PTDSS1: variants seen among roughly 807,000 people sequenced by gnomAD.
PTDSS1 encodes the protein PSS-1.
In PTDSS1, 45 loss-of-function variants were observed where a neutral mutation model predicts 70.5. The ratio of observed to expected loss-of-function variants is 0.64; its 90% CI spans 0.50 to 0.82. PTDSS1 has a LOEUF of 0.82. PTDSS1 is among the 40% of genes least tolerant of loss of function. The probability of loss-of-function intolerance (pLI) is 0.00; values close to 1 mark genes in which losing one functional copy is unlikely to be tolerated. For synonymous variants in PTDSS1, 188 were observed against 203.8 expected (o/e 0.92, Z 0.66); for missense variants, 417 against 586.1 (o/e 0.71, Z 2.98).
chr8:96,262,066 C>A lies in PTDSS1; in HGVS notation c.26C>A (p.Thr9Asn). 1.2e-6 allele frequency: 2 copies of A among 1,613,540 alleles called. No individual in the cohort carries two copies. Among genetic ancestry groups the A allele is most frequent in the Non-Finnish European group, 1.7e-6 (2 of 1,179,652 alleles). The part of the protein sequence containing the change: MASCVGSR[T>N]LSKDDVNYKM... ...ATGGCGTCCTGCGTGGGGAGCCGGACCCTAAGCAAGGATGATGTGAACTAC... is the reference window on the plus strand; with the variant it reads ...ATGGCGTCCTGCGTGGGGAGCCGGAACCTAAGCAAGGATGATGTGAACTAC... Residue 9 changes from threonine (T) to asparagine (N), a missense_variant, in exon 1 of 13, where the codon ACC (threonine) becomes AAC (asparagine). This residue lies in a region of PTDSS1 where 38 missense variants were observed against 34.3 expected (regional missense o/e 1.11). Transcript: ENST00000517309. The surrounding 1 kb of genome is among the most constrained non-coding windows in gnomAD (Gnocchi z 4.4).
chr8:96,274,586 G>A (rs1046238911), intron 2 of PTDSS1, among the ~76,000 whole-genome samples: 2 of 152,288 alleles, frequency 1.3e-5, no homozygotes, highest in Admixed American at 6.5e-5. Flanking sequence ...TTAGCCAGGC[G>A]TGGTGGTGCG....
intron 1 of PTDSS1, among the ~76,000 whole-genome samples, chr8:96,269,515 C>T (rs879524701): frequency 6.6e-6 from 1 of 152,144 alleles, no homozygotes; most frequent in Non-Finnish European, 1.5e-5. Context: ...GAACAAGCAA[C>T]ATGTCTTAGT....
chr8:96,278,147 C>T (rs1280690327), intron 2 of PTDSS1, among the ~76,000 whole-genome samples: 1 of 152,222 alleles, frequency 6.6e-6, no homozygotes, highest in Non-Finnish European at 1.5e-5. Context: ...TCTCTTGTGT[C>T]TTTACTTGAG....
rs1811460267 is a variant in PTDSS1 at position 96,327,878 on chromosome 8, T to G, written c.1174-2335T>G. ...TAAACGAAGTGTGCAATTGCTATTT[T>G]AAATCTGAGCCTTGACATTTTCAGT... On this transcript the variant is annotated intron_variant, in intron 10 of 12. Transcript: ENST00000517309. 2.0e-5 allele frequency among the ~76,000 whole-genome samples: 3 copies of G among 152,240 alleles called. No individual in the cohort carries two copies. The South Asian group carries it at 6.2e-4, about 32-fold the overall frequency.
chr8:96,277,524 G>A (rs760583568), intron 2 of PTDSS1, among the ~76,000 whole-genome samples: 14 of 152,244 alleles, frequency 9.2e-5, no homozygotes, highest in Non-Finnish European at 1.9e-4. Context: ...CTCAAGTCAA[G>A]TAGTGAAAAT....
chr8:96,284,097 A>G lies in PTDSS1; in HGVS notation c.272-12A>G, dbSNP rs761081310. ...CAGTTCCTTCTAACTTTATAATGTT[A>G]TTTATCTGCAGGTCCGTTCACTCGA... On this transcript the variant is annotated splice_polypyrimidine_tract_variant and intron_variant, in intron 2 of 12. Transcript: ENST00000517309. 2 of 1,602,820 alleles carry G rather than the reference A, an allele frequency of 1.2e-6. No individual in the cohort carries two copies. The highest frequency in any genetic ancestry group is 2.2e-5 in the South Asian group (2 of 90,064).
At position 96,305,797 on chromosome 8, in the gene PTDSS1, C is replaced by T. The variant is rs143900432; in HGVS notation, c.895-647C>T. Reference sequence around the variant, plus strand: ...CTGCCTTCCAGGTTCAAGCAATTCTCCTGTCTCAGCCTCCTGAGTAGCTGG... The same window carrying T: ...CTGCCTTCCAGGTTCAAGCAATTCTTCTGTCTCAGCCTCCTGAGTAGCTGG... On this transcript the variant is annotated intron_variant, in intron 7 of 12. Transcript: ENST00000517309. Among the ~76,000 whole-genome samples the T allele has an allele frequency of 9.0e-3, 1,372 of 152,258 alleles. 13 individuals carry two copies. The highest frequency in any genetic ancestry group is 0.017 in the South Asian group (84 of 4,826).
rs760946183 is a variant in PTDSS1 at position 96,264,445 on chromosome 8, T to C, written c.179+2226T>C. ...AACGAGGATGTAGTATGCTCTGTAATTGAGAAGGATAAAAGCACTGGAAAA... is the reference window on the plus strand; with the variant it reads ...AACGAGGATGTAGTATGCTCTGTAACTGAGAAGGATAAAAGCACTGGAAAA... On this transcript the variant is annotated intron_variant, in intron 1 of 12. Coordinates refer to ENST00000517309, the MANE Select transcript of PTDSS1 (RefSeq NM_014754.3). Among the ~76,000 whole-genome samples, 86 of 152,328 alleles carry C rather than the reference T, an allele frequency of 5.6e-4. 1 individual carries two copies. The highest frequency in any genetic ancestry group is 2.7e-3 in the Admixed American group (42 of 15,304).
intron 3 of PTDSS1, among the ~76,000 whole-genome samples, chr8:96,285,895 T>TA (rs1000031698): frequency 5.3e-5 from 8 of 152,034 alleles, no homozygotes; most frequent in East Asian, 1.9e-4. Context: ...TGAAAATTGG[T>TA]AAAAAATGGG....
chr8:96,269,212 G>A (rs1228002737), intron 1 of PTDSS1, among the ~76,000 whole-genome samples: 4 of 152,150 alleles, frequency 2.6e-5, no homozygotes, highest in Non-Finnish European at 5.9e-5. Context: ...CATTCCAGAA[G>A]CCCTCATACC....
Position 96,313,847 on chromosome 8 carries a change from A to G in PTDSS1, c.1073+4225A>G, listed in dbSNP as rs370906274. On this transcript the variant is annotated intron_variant, in intron 9 of 12. Transcript: ENST00000517309. ...AGTCCTTTCCTCATCCTCTTCTTGG[A>G]TCTTCTGCACATTATCTGCCTTCTT... Among the ~76,000 whole-genome samples, 17 of 152,246 alleles carry G rather than the reference A, an allele frequency of 1.1e-4. No homozygotes were observed. The East Asian group carries it at 1.7e-3, about 16-fold the overall frequency.
chr8:96,285,688 T>C (rs1203447291), intron 3 of PTDSS1, among the ~76,000 whole-genome samples: 1 of 152,114 alleles, frequency 6.6e-6, no homozygotes, highest in Admixed American at 6.5e-5. Context: ...GACCTATAGA[T>C]AGACCCATTC....
intron 9 of PTDSS1, among the ~76,000 whole-genome samples, chr8:96,316,372 G>A (rs1378571773): frequency 6.6e-6 from 1 of 152,158 alleles, no homozygotes; most frequent in Non-Finnish European, 1.5e-5. Flanking sequence ...TAGACACCAT[G>A]GAATAATACA....
At chr8:96,314,336 G>A (rs1286471567) in intron 9 of PTDSS1, among the ~76,000 whole-genome samples, 1 of 151,940 alleles carries the variant, frequency 6.6e-6, no homozygotes. Flanking sequence ...CATTGGCCAC[G>A]GCACGCAGCC....
intron 10 of PTDSS1, among the ~76,000 whole-genome samples, chr8:96,323,965 A>G (rs1468557551): frequency 6.6e-6 from 1 of 152,226 alleles, no homozygotes; most frequent in African/African-American, 2.4e-5. Flanking sequence ...GTAGCCACAC[A>G]GTAGCCCGAA....
rs866701691 is a variant in PTDSS1 at position 96,336,182 on chromosome 8, A to T, written c.*2616A>T. Reference sequence around the variant, plus strand: ...TGATACAAGACATCCTATCAATGCCAGTCTTATTTTCGCTAGGACTCTGCT... The same window carrying T: ...TGATACAAGACATCCTATCAATGCCTGTCTTATTTTCGCTAGGACTCTGCT... On this transcript the variant is annotated 3_prime_UTR_variant, in exon 13 of 13. Transcript: ENST00000517309. The T allele has an allele frequency of 6.6e-5, 10 of 152,148 alleles. No individual in the cohort carries two copies. The highest frequency in any genetic ancestry group is 4.6e-4 in the Admixed American group (7 of 15,302). The allele number at this position is 152,148 out of a possible 1,614,324, so 9.4% of individuals were successfully genotyped here.
At chr8:96,309,680 G>C in intron 9 of PTDSS1, 58 bp downstream of exon 9, 1 of 1,563,320 alleles carries the variant, frequency 6.4e-7, no homozygotes, top group East Asian at 2.2e-5. Flanking sequence ...TTTTATTTGG[G>C]TATTTCTTGA....
chr8:96,310,478 T>C (rs1811195032), intron 9 of PTDSS1, among the ~76,000 whole-genome samples: 1 of 151,648 alleles, frequency 6.6e-6, no homozygotes, highest in Non-Finnish European at 1.5e-5. Context: ...CTCTTTTTTT[T>C]TTTTTAAATA....
intron 5 of PTDSS1, among the ~76,000 whole-genome samples, 163 bp downstream of exon 5, chr8:96,295,419 A>C (rs1305679045): frequency 2.0e-5 from 3 of 152,252 alleles, no homozygotes; most frequent in Non-Finnish European, 4.4e-5. Flanking sequence ...TTCTGTTTAA[A>C]AAACAAGCAA....
Sources: gnomAD v4.1 joint callset for allele counts (sites outside exome capture counted in the v4.1 genomes callset) on GRCh38, gnomAD v4.1.1 for gene constraint, gnomAD v4.1.1 regional missense constraint, Gnocchi (gnomAD v3.1) non-coding constraint, MANE v1.5 for transcripts, NCBI Gene and HGNC (gene_info 2026-07-23, HGNC 2026-07-21) for gene names.